The following ITGA9 variants were observed in gnomAD, a reference collection of about 807,000 sequenced individuals.
The protein encoded by ITGA9 is integrin subunit alpha 9.
Under a neutral mutation model 127.8 loss-of-function variants are expected in ITGA9, and 56 were observed. That is an observed-to-expected ratio of 0.44 (90% CI 0.35 to 0.55). The LOEUF (loss-of-function observed/expected upper bound fraction) is 0.55, where lower values mean the gene tolerates loss of function less well. ITGA9 is among the 20% of genes least tolerant of loss of function. The probability of loss-of-function intolerance (pLI) is 0.00; values close to 1 mark genes in which losing one functional copy is unlikely to be tolerated. For synonymous variants in ITGA9, 508 were observed against 514.5 expected (o/e 0.99, Z 0.17); for missense variants, 1,196 against 1,347.1 (o/e 0.89, Z 1.76).
chr3:37,619,323 T>C (rs976674752), intron 15 of ITGA9, among the ~76,000 whole-genome samples: 3 of 152,190 alleles, frequency 2.0e-5, no homozygotes, highest in African/African-American at 7.2e-5. Context: ...AAATTAAGTA[T>C]GGAATTTATT....
intron 27 of ITGA9, among the ~76,000 whole-genome samples, chr3:37,804,962 T>C (rs898613598): frequency 3.3e-5 from 5 of 152,208 alleles, no homozygotes; most frequent in Admixed American, 1.3e-4. Context: ...CCAGGCATTC[T>C]CATAACATCA....
intron 15 of ITGA9, among the ~76,000 whole-genome samples, chr3:37,616,131 T>C (rs1700071904): frequency 2.0e-5 from 3 of 152,082 alleles, no homozygotes; most frequent in Non-Finnish European, 2.9e-5. Flanking sequence ...TACACACTGC[T>C]TTGAATGTGT....
chr3:37,664,420 CTTTTTTT>C (rs35312679), intron 17 of ITGA9, among the ~76,000 whole-genome samples: 3 of 114,904 alleles, frequency 2.6e-5, no homozygotes, highest in South Asian at 2.9e-4. Context: ...TCAGCACATT[CTTTTTTT>C]TTTTTTTTTT....
intron 26 of ITGA9, among the ~76,000 whole-genome samples, chr3:37,788,576 C>A (rs1388936459): frequency 6.6e-6 from 1 of 152,006 alleles, no homozygotes; most frequent in East Asian, 1.9e-4. Context: ...CCCAAAGATC[C>A]CACAAGCAGT....
chr3:37,634,987 T>C (rs1700264095), intron 16 of ITGA9, among the ~76,000 whole-genome samples: 1 of 152,210 alleles, frequency 6.6e-6, no homozygotes, highest in Non-Finnish European at 1.5e-5. Context: ...AACATGGTCC[T>C]GAATGACCAT....
intron 1 of ITGA9, among the ~76,000 whole-genome samples, chr3:37,464,087 GC>G (rs1698344078): frequency 6.6e-6 from 1 of 151,224 alleles, no homozygotes. Flanking sequence ...ATAGAGAGTT[GC>G]TAGGTAGATT....
intron 4 of ITGA9, 117 bp downstream of exon 4, chr3:37,481,724 G>A (rs1326895424): frequency 2.9e-6 from 4 of 1,366,138 alleles, no homozygotes; most frequent in African/African-American, 1.4e-5. Context: ...GCTCATGATA[G>A]GGCAGCACTG....
At chr3:37,712,580 C>T (rs1355730609) in intron 18 of ITGA9, among the ~76,000 whole-genome samples, 2 of 152,308 alleles carry the variant, frequency 1.3e-5, no homozygotes, top group Middle Eastern at 6.8e-3. Flanking sequence ...TCGACCACAG[C>T]TTCTGGTTGG....
chr3:37,767,230 G>C (rs1024286344), intron 23 of ITGA9, among the ~76,000 whole-genome samples: 3 of 152,210 alleles, frequency 2.0e-5, no homozygotes, highest in African/African-American at 7.2e-5. Flanking sequence ...CAGAGGCTGT[G>C]CATTGGATTA....
At chr3:37,730,756 G>A (rs1696281007) in intron 18 of ITGA9, among the ~76,000 whole-genome samples, 1 of 152,244 alleles carries the variant, frequency 6.6e-6, no homozygotes, top group African/African-American at 2.4e-5. Context: ...CCATCCATGA[G>A]TGTTTGGGGA....
intron 15 of ITGA9, among the ~76,000 whole-genome samples, chr3:37,552,531 G>C (rs757145797): frequency 2.6e-5 from 4 of 152,058 alleles, no homozygotes; most frequent in Non-Finnish European, 5.9e-5. Flanking sequence ...TAATGAGAGA[G>C]TCATTTTCTC....
intron 14 of ITGA9, among the ~76,000 whole-genome samples, chr3:37,540,672 TGAA>T (rs906811910): frequency 4.6e-5 from 7 of 152,156 alleles, no homozygotes; most frequent in African/African-American, 1.7e-4. Flanking sequence ...TCTTAAAAAA[TGAA>T]GGTTTTTGAG....
intron 5 of ITGA9, among the ~76,000 whole-genome samples, chr3:37,501,308 A>G (rs1011032087): frequency 2.6e-5 from 4 of 152,176 alleles, no homozygotes; most frequent in Non-Finnish European, 4.4e-5. Flanking sequence ...CCTCTGCACA[A>G]TGGGAGCTTC....
intron 16 of ITGA9, among the ~76,000 whole-genome samples, chr3:37,649,069 T>C (rs1575179987): frequency 1.5e-5 from 2 of 135,126 alleles, no homozygotes; most frequent in South Asian, 4.7e-4. Flanking sequence ...AAAATACCTA[T>C]GGAAGTTATA....
At chr3:37,533,956 G>A (rs1171418373) in intron 14 of ITGA9, among the ~76,000 whole-genome samples, 1 of 152,216 alleles carries the variant, frequency 6.6e-6, no homozygotes, top group African/African-American at 2.4e-5. Flanking sequence ...CAGAGGCTTA[G>A]GTTTCTAAAA....
At chr3:37,491,064 C>A (rs2125563784) in intron 4 of ITGA9, among the ~76,000 whole-genome samples, 1 of 150,326 alleles carries the variant, frequency 6.7e-6, no homozygotes, top group Admixed American at 6.6e-5. Flanking sequence ...GCAACCTCTG[C>A]CTCCCAGACT....
intron 15 of ITGA9, among the ~76,000 whole-genome samples, chr3:37,623,945 A>G (rs1472573671): frequency 6.6e-6 from 1 of 152,166 alleles, no homozygotes; most frequent in Non-Finnish European, 1.5e-5. Context: ...AGATTATCAT[A>G]GGTGAAAGTA....
At chr3:37,457,421 G>A (rs530207529) in intron 1 of ITGA9, among the ~76,000 whole-genome samples, 1 of 152,266 alleles carries the variant, frequency 6.6e-6, no homozygotes, top group East Asian at 1.9e-4. Context: ...TAGAAGGGGA[G>A]CCCTGGGATC....
At chr3:37,752,365 C>A (rs904554771) in intron 23 of ITGA9, among the ~76,000 whole-genome samples, 1 of 152,170 alleles carries the variant, frequency 6.6e-6, no homozygotes, top group African/African-American at 2.4e-5. Context: ...GGAGGTGACC[C>A]TTTGGCCTGG....
Sources: allele counts gnomAD v4.1 joint callset (sites outside exome capture counted in the v4.1 genomes callset), GRCh38; gene constraint gnomAD v4.1.1; transcripts MANE v1.5; gene names NCBI Gene and HGNC (gene_info 2026-07-23, HGNC 2026-07-21).